MYO5B: variants seen among roughly 807,000 people sequenced by gnomAD.
MYO5B encodes myosin VB.
Under a neutral mutation model 229.3 loss-of-function variants are expected in MYO5B, and 143 were observed. The ratio of observed to expected loss-of-function variants is 0.62; its 90% CI spans 0.54 to 0.72. The LOEUF (loss-of-function observed/expected upper bound fraction) is 0.72, where lower values mean the gene tolerates loss of function less well. Among genes scored for constraint, MYO5B ranks in the 30% least tolerant of loss-of-function variants. The pLI, the probability that MYO5B is intolerant of heterozygous loss-of-function variation, is 0.00. For missense variants in MYO5B, 2,321 were observed against 2,331.0 expected (o/e 1.00, Z 0.09); for synonymous variants, 918 against 885.2 (o/e 1.04, Z -0.66).
chr18:50,180,950 T>C (rs540911191), intron 1 of MYO5B, among the ~76,000 whole-genome samples: 3 of 152,296 alleles, frequency 2.0e-5, no homozygotes, highest in South Asian at 4.1e-4. Flanking sequence ...CTCCCTGCTT[T>C]TGACAATCAT....
intron 17 of MYO5B, among the ~76,000 whole-genome samples, chr18:49,916,080 G>A (rs752800566): frequency 5.3e-5 from 8 of 152,170 alleles, no homozygotes; most frequent in East Asian, 1.9e-4. Flanking sequence ...CTTTCCTTCC[G>A]TGTGTCTGAG....
chr18:49,841,245 G>A (rs1235778912), intron 35 of MYO5B, 120 bp downstream of exon 35: 13 of 907,694 alleles, frequency 1.4e-5, no homozygotes, highest in African/African-American at 1.1e-4. Context: ...GTGTGCCCAC[G>A]GTCTGAGGTC....
intron 4 of MYO5B, among the ~76,000 whole-genome samples, chr18:50,003,055 T>G (rs886070490): frequency 2.0e-5 from 3 of 151,976 alleles, no homozygotes; most frequent in African/African-American, 7.2e-5. Flanking sequence ...ATGGTCCAAT[T>G]AGAGACGGCC....
chr18:49,935,762 T>G (rs2025242415), intron 16 of MYO5B, among the ~76,000 whole-genome samples: 1 of 152,064 alleles, frequency 6.6e-6, no homozygotes, highest in Non-Finnish European at 1.5e-5. Flanking sequence ...TGGATCAGAG[T>G]AGGTTGAGGA....
intron 1 of MYO5B, among the ~76,000 whole-genome samples, chr18:50,099,833 A>G (rs1313582804): frequency 2.6e-5 from 4 of 152,204 alleles, no homozygotes; most frequent in Admixed American, 2.6e-4. Flanking sequence ...GGCACCTGAC[A>G]TTAGATATAT....
chr18:49,954,897 T>C (rs1018553772), intron 12 of MYO5B, among the ~76,000 whole-genome samples: 13 of 152,238 alleles, frequency 8.5e-5, no homozygotes, highest in Non-Finnish European at 1.3e-4. Context: ...CTCACCTAGA[T>C]ACCATTGTCC....
intron 16 of MYO5B, 29 bp from the exon 17 acceptor site, chr18:49,929,627 G>T (rs1336329866): frequency 7.9e-6 from 10 of 1,264,332 alleles, no homozygotes; most frequent in Non-Finnish European, 1.1e-5. Context: ...AAAAAAAAAA[G>T]CAAGACAAGA....
intron 4 of MYO5B, among the ~76,000 whole-genome samples, chr18:50,022,190 C>T (rs1311587888): frequency 6.6e-6 from 1 of 151,786 alleles, no homozygotes; most frequent in African/African-American, 2.4e-5. Flanking sequence ...CAGTTAACAG[C>T]ATACAGTCTA....
intron 9 of MYO5B, 46 bp from the exon 10 acceptor site, chr18:49,974,661 A>G: frequency 1.9e-6 from 3 of 1,592,564 alleles, no homozygotes; most frequent in Non-Finnish European, 2.6e-6. Context: ...GTGGGAGACA[A>G]GCCGCCCCCC....
chr18:49,828,670 G>A (rs999703696), intron 39 of MYO5B, among the ~76,000 whole-genome samples: 4 of 152,016 alleles, frequency 2.6e-5, no homozygotes, highest in African/African-American at 9.7e-5. Context: ...AAACAAGTCT[G>A]AATAAATTTA....
At chr18:49,951,934 G>A (rs986641496) in intron 14 of MYO5B, among the ~76,000 whole-genome samples, 2 of 152,212 alleles carry the variant, frequency 1.3e-5, no homozygotes. Flanking sequence ...ACAGACTGGA[G>A]ATCTAAAAAC....
At chr18:50,104,298 AATC>A (rs2031715573) in intron 1 of MYO5B, among the ~76,000 whole-genome samples, 1 of 142,598 alleles carries the variant, frequency 7.0e-6, no homozygotes, top group African/African-American at 2.5e-5. Context: ...ATATCTCATA[AATC>A]TCAAAAAAAT....
intron 18 of MYO5B, among the ~76,000 whole-genome samples, chr18:49,910,097 G>C (rs984743908): frequency 2.0e-5 from 3 of 152,312 alleles, no homozygotes; most frequent in Non-Finnish European, 2.9e-5. Flanking sequence ...CACTGAAGCC[G>C]AGCACTGAGA....
At position 49,850,960 on chromosome 18, in the gene MYO5B, G is replaced by A. The variant is rs192073231; in HGVS notation, c.4222-1300C>T. Reference sequence around the variant, plus strand: ...GCCCAGGGCTGCTCCAGACTGGATCGGGACCAGGACGCTGGTACTATGACC... The same window carrying A: ...GCCCAGGGCTGCTCCAGACTGGATCAGGACCAGGACGCTGGTACTATGACC... On this transcript the variant is annotated intron_variant, in intron 31 of 39. Transcript: ENST00000285039. 4.6e-4 allele frequency: 70 copies of A among 152,458 alleles called. No homozygotes were observed. In the East Asian group the frequency reaches 6.4e-3, roughly 14 times the overall value. The allele number at this position is 152,458 out of a possible 1,614,324, so 9.4% of individuals were successfully genotyped here.
At chr18:49,878,373 T>C (rs8098486) in intron 24 of MYO5B, among the ~76,000 whole-genome samples, 36,536 of 151,944 alleles carry the variant, frequency 0.24, 4,520 homozygotes, top group East Asian at 0.42. Context: ...AGTGTGAAAA[T>C]TGAGCTTGGT....
intron 1 of MYO5B, among the ~76,000 whole-genome samples, chr18:50,058,266 G>C (rs959531674): frequency 9.9e-5 from 15 of 151,790 alleles, no homozygotes; most frequent in Admixed American, 9.2e-4. Context: ...AGGAGTTTGA[G>C]ACTGGCCTGG....
intron 1 of MYO5B, among the ~76,000 whole-genome samples, chr18:50,163,174 A>C (rs559146793): frequency 6.6e-6 from 1 of 152,300 alleles, no homozygotes; most frequent in Non-Finnish European, 1.5e-5. Context: ...AGTGAATGCA[A>C]AGCCCAACCA....
intron 21 of MYO5B, among the ~76,000 whole-genome samples, chr18:49,902,385 T>C (rs1353398481): frequency 6.6e-6 from 1 of 152,240 alleles, no homozygotes; most frequent in Admixed American, 6.5e-5. Context: ...TTTTGCCATA[T>C]AAGGTAACAC....
intron 1 of MYO5B, among the ~76,000 whole-genome samples, chr18:50,175,043 C>T (rs879398512): frequency 6.6e-6 from 1 of 152,208 alleles, no homozygotes; most frequent in South Asian, 2.1e-4. Flanking sequence ...CATCAGCTTC[C>T]AGGACACTAT....
Sources: gnomAD v4.1 joint callset for allele counts (sites outside exome capture counted in the v4.1 genomes callset) on GRCh38, gnomAD v4.1.1 for gene constraint, MANE v1.5 for transcripts, NCBI Gene and HGNC (gene_info 2026-07-23, HGNC 2026-07-21) for gene names.